Variants in TNNI3K observed in about 807,000 individuals in gnomAD.
The protein encoded by TNNI3K is serine/threonine-protein kinase TNNI3K.
TNNI3K carries 140 observed loss-of-function variants against 114.5 expected under a neutral mutation model. That is an observed-to-expected ratio of 1.22 (90% confidence interval 1.07 to 1.41). The LOEUF is 1.41. TNNI3K is among the 40% of genes most tolerant of loss of function. The pLI is 0.00. For synonymous variants in TNNI3K, 347 were observed against 347.5 expected (o/e 1.00, Z 0.02); for missense variants, 1,125 against 1,007.6 (o/e 1.12, Z -1.58).
intron 23 of TNNI3K, among the ~76,000 whole-genome samples, chr1:74,518,325 C>T (rs187874499): frequency 1.6e-4 from 25 of 152,244 alleles, no homozygotes; most frequent in African/African-American, 6.0e-4. Context: ...TTTTCATCTC[C>T]TATTTCCACA....
intron 17 of TNNI3K, among the ~76,000 whole-genome samples, chr1:74,395,530 T>C (rs1664032448): frequency 6.6e-6 from 1 of 152,166 alleles, no homozygotes; most frequent in Non-Finnish European, 1.5e-5. Context: ...ACCTCGTGTT[T>C]GAGCCAAGGT....
At chr1:74,530,142 G>A (rs116585305) in intron 23 of TNNI3K, among the ~76,000 whole-genome samples, 1,587 of 152,178 alleles carry the variant, frequency 0.01, 16 homozygotes, top group Non-Finnish European at 0.017. Context: ...AGGTGTCTAC[G>A]TTTCTATTTA....
intron 23 of TNNI3K, among the ~76,000 whole-genome samples, chr1:74,493,477 C>T (rs1215728977): frequency 6.6e-6 from 1 of 152,174 alleles, no homozygotes; most frequent in Non-Finnish European, 1.5e-5. Flanking sequence ...CATTCACATG[C>T]CCCAGTTCCC....
At chr1:74,451,749 TTTCTTTTCTTTTCTTTTC>T (rs1314887967) in intron 20 of TNNI3K, among the ~76,000 whole-genome samples, 1 of 16,426 alleles carries the variant, frequency 6.1e-5, no homozygotes, top group African/African-American at 2.8e-4. Context: ...CTTTCTTTCT[TTTCTTTTCTTTTCTTTTC>T]TTCTTTTCTT....
At chr1:74,538,206 G>A (rs940212931) in intron 23 of TNNI3K, among the ~76,000 whole-genome samples, 1 of 152,056 alleles carries the variant, frequency 6.6e-6, no homozygotes, top group East Asian at 1.9e-4. Context: ...TTGAACTTGG[G>A]TAAAAAAATA....
At chr1:74,301,793 A>G (rs992789900) in intron 5 of TNNI3K, among the ~76,000 whole-genome samples, 2 of 152,160 alleles carry the variant, frequency 1.3e-5, no homozygotes, top group South Asian at 2.1e-4. Flanking sequence ...TTCAATAACC[A>G]TACTTGCTTT....
At position 74,251,531 on chromosome 1, in the gene TNNI3K, A is replaced by G. The variant is rs564865047; in HGVS notation, c.333+762A>G. On this transcript the variant is annotated intron_variant, in intron 4 of 24. Coordinates refer to ENST00000326637, the MANE Select transcript of TNNI3K (RefSeq NM_015978.3). ...AATGCAATTAAAGACTAAAGTAGAT[A>G]CCTGGACAATATTAGAATAGTGATT... Among the ~76,000 whole-genome samples the G allele has an allele frequency of 6.6e-5, 10 of 152,358 alleles. No individual in the cohort carries two copies. In the East Asian group the frequency reaches 1.3e-3, roughly 21 times the overall value.
At chr1:74,269,896 C>T (rs1656236460) in intron 4 of TNNI3K, among the ~76,000 whole-genome samples, 2 of 151,604 alleles carry the variant, frequency 1.3e-5, no homozygotes, top group South Asian at 2.1e-4. Context: ...TTTTAGAAGA[C>T]AGTCAGAAAC....
chr1:74,237,768 G>A (rs1450695066), intron 2 of TNNI3K, among the ~76,000 whole-genome samples: 1 of 152,010 alleles, frequency 6.6e-6, no homozygotes, highest in Non-Finnish European at 1.5e-5. Context: ...GGAGCTTACA[G>A]TCCAGAATTT....
chr1:74,488,705 C>G (rs1259920400), intron 21 of TNNI3K, among the ~76,000 whole-genome samples: 1 of 152,114 alleles, frequency 6.6e-6, no homozygotes, highest in Non-Finnish European at 1.5e-5. Context: ...TTACCTTAAA[C>G]CCTAAAGTAA....
At chr1:74,253,697 G>GCCGTGCGGCCCCAGTTCCTGC (rs1570375637) in intron 4 of TNNI3K, among the ~76,000 whole-genome samples, 1 of 151,680 alleles carries the variant, frequency 6.6e-6, no homozygotes, top group East Asian at 2.0e-4. Flanking sequence ...CGCAAGCCCC[G>GCCGTGCGGCCCCAGTTCCTGC]CCGTGCGGCC....
In TNNI3K at chr1:74,500,327, C is replaced by A. The variant is rs541297038; in HGVS notation, c.2351+8061C>A. ...TTCTTCTAGTATCATTTTTCTTTTC[C>A]ATAAATGCACCTTTAAAAATTATTT... On this transcript the variant is annotated intron_variant, in intron 23 of 24. Coordinates refer to ENST00000326637, the MANE Select transcript of TNNI3K (RefSeq NM_015978.3). 4.0e-5 allele frequency among the ~76,000 whole-genome samples: 6 copies of A among 151,724 alleles called. No homozygotes were observed. The East Asian group carries it at 7.7e-4, about 20-fold the overall frequency.
chr1:74,347,939 C>A (rs1661108608), intron 9 of TNNI3K, among the ~76,000 whole-genome samples: 1 of 152,128 alleles, frequency 6.6e-6, no homozygotes, highest in African/African-American at 2.4e-5. Context: ...TTCTCCCATT[C>A]TATAGGTTGC....
intron 5 of TNNI3K, among the ~76,000 whole-genome samples, chr1:74,328,001 T>A (rs1002748454): frequency 6.6e-6 from 1 of 151,964 alleles, no homozygotes; most frequent in Non-Finnish European, 1.5e-5. Flanking sequence ...TAACAGGTCT[T>A]GGAATATAGC....
intron 23 of TNNI3K, among the ~76,000 whole-genome samples, chr1:74,496,005 A>C (rs1305802181): frequency 6.6e-6 from 1 of 152,180 alleles, no homozygotes; most frequent in East Asian, 1.9e-4. Flanking sequence ...ACAGCTTGTG[A>C]GACAGTGGTT....
chr1:74,475,915 T>C lies in TNNI3K; in HGVS notation c.2121+12365T>C, dbSNP rs1378833495. 4 of 486,274 alleles carry C rather than the reference T, an allele frequency of 8.2e-6. No homozygotes were observed. The East Asian group carries it at 9.3e-5, about 11-fold the overall frequency. 30.1% of individuals were successfully genotyped at this position (486,274 alleles called of 1,614,324 possible). On this transcript the variant is annotated intron_variant, in intron 21 of 24. Coordinates refer to ENST00000326637, the MANE Select transcript of TNNI3K (RefSeq NM_015978.3). Reference sequence around the variant, plus strand: ...ATAAAGGTTAATGGCTTGAAAGATATCAGAATGGGTAGGAAGTCCTTCACC... The same window carrying C: ...ATAAAGGTTAATGGCTTGAAAGATACCAGAATGGGTAGGAAGTCCTTCACC...
intron 2 of TNNI3K, among the ~76,000 whole-genome samples, chr1:74,246,668 G>A (rs1041988552): frequency 3.8e-4 from 58 of 152,150 alleles, no homozygotes; most frequent in African/African-American, 1.2e-3. Flanking sequence ...AAGCAAAACA[G>A]GGAAGGATGC....
intron 21 of TNNI3K, chr1:74,480,783 G>T: frequency 1.4e-6 from 1 of 717,554 alleles, no homozygotes; most frequent in Non-Finnish European, 2.6e-6. Context: ...CTGGATATTT[G>T]GTTGTGCTCC....
At chr1:74,531,742 G>C (rs938291392) in intron 23 of TNNI3K, among the ~76,000 whole-genome samples, 3 of 152,152 alleles carry the variant, frequency 2.0e-5, no homozygotes, top group Non-Finnish European at 4.4e-5. Flanking sequence ...ATTATTGTAT[G>C]TGTTTCCTTT....
Sources: gnomAD v4.1 joint callset for allele counts (sites outside exome capture counted in the v4.1 genomes callset) on GRCh38, gnomAD v4.1.1 for gene constraint, MANE v1.5 for transcripts, NCBI Gene and HGNC (gene_info 2026-07-23, HGNC 2026-07-21) for gene names.